The following PIK3C2G variants were observed in gnomAD, a reference collection of about 807,000 sequenced individuals.
PIK3C2G encodes the protein phosphatidylinositol-4-phosphate 3-kinase catalytic subunit type 2 gamma, also known as phosphatidylinositol 3-kinase C2 domain-containing subunit gamma.
A neutral mutation model predicts 181.1 loss-of-function variants in PIK3C2G; 168 were observed. The ratio of observed to expected loss-of-function variants is 0.93; its 90% CI spans 0.82 to 1.05. The LOEUF (loss-of-function observed/expected upper bound fraction) is 1.05, where lower values mean the gene tolerates loss of function less well. Ranked by LOEUF, PIK3C2G falls within the 50% of genes least tolerant of loss-of-function variation. The pLI is 0.00. For missense variants in PIK3C2G, 1,869 were observed against 1,732.8 expected, an observed-to-expected ratio of 1.08 and a Z score of -1.40; for synonymous variants, 573 against 592.2, an observed-to-expected ratio of 0.97 and a Z score of 0.47.
chr12:18,703,428 C>T, the PIK3C2G span, among the ~76,000 whole-genome samples: 1 of 152,254 alleles, frequency 6.6e-6, no homozygotes, highest in South Asian at 2.1e-4. Flanking sequence ...AAAGTTCAGC[C>T]CTGGAAACTT....
At chr12:18,281,213 A>G (rs1949200111) in intron 1 of PIK3C2G, among the ~76,000 whole-genome samples, 1 of 151,592 alleles carries the variant, frequency 6.6e-6, no homozygotes, top group Non-Finnish European at 1.5e-5. Context: ...CAATAAAAGA[A>G]TAACAGGGAA....
chr12:18,623,721 A>C (rs578061285), intron 31 of PIK3C2G, among the ~76,000 whole-genome samples: 1 of 151,582 alleles, frequency 6.6e-6, no homozygotes, highest in African/African-American at 2.4e-5. Flanking sequence ...TTTTTCCATT[A>C]ATGTTTTATA....
chr12:18,324,093 G>A (rs372391631), intron 7 of PIK3C2G, among the ~76,000 whole-genome samples: 4 of 151,976 alleles, frequency 2.6e-5, no homozygotes, highest in South Asian at 4.2e-4. Flanking sequence ...GGTGGCGGGC[G>A]CCTGTAGTCC....
At chr12:18,441,176 G>T (rs528146916) in intron 18 of PIK3C2G, among the ~76,000 whole-genome samples, 1 of 152,178 alleles carries the variant, frequency 6.6e-6, no homozygotes, top group Non-Finnish European at 1.5e-5. Context: ...AAATGCTACT[G>T]GTAGGTCAAG....
At chr12:18,532,957 G>A (rs1453072560) in intron 24 of PIK3C2G, among the ~76,000 whole-genome samples, 1 of 148,404 alleles carries the variant, frequency 6.7e-6, no homozygotes, top group Non-Finnish European at 1.5e-5. Context: ...GCCTGCTTTA[G>A]CAGCATGTAT....
intron 13 of PIK3C2G, among the ~76,000 whole-genome samples, chr12:18,374,582 G>A (rs1942305521): frequency 1.3e-5 from 2 of 152,094 alleles, no homozygotes; most frequent in African/African-American, 2.4e-5. Flanking sequence ...ACTACCTTAC[G>A]CCACCTCCCT....
intron 25 of PIK3C2G, among the ~76,000 whole-genome samples, chr12:18,545,771 C>T (rs1003884219): frequency 6.6e-6 from 1 of 151,878 alleles, no homozygotes; most frequent in Non-Finnish European, 1.5e-5. Flanking sequence ...GATTAAGAAC[C>T]AGAGCGGTGA....
rs968259664 is a variant in PIK3C2G, at chr12:18,381,876, T to G, written c.1991T>G (p.Leu664Arg). 6 of 1,574,168 alleles carry G rather than the reference T, an allele frequency of 3.8e-6. No homozygotes were observed. In the South Asian group the frequency reaches 6.6e-5, roughly 17 times the overall value. The part of the protein sequence containing the change: ...WDVSQPSPVT[L>R]QIDFPATGWE... ...GTAAGTCAGCCATCCCCGGTGACCC[T>G]GCAGGTAAGTGCCAGGCTAAAAGAT... Residue 664 changes from leucine (L) to arginine (R), a missense_variant, in exon 14 of 33, where the codon CTG becomes CGG. By Grantham distance (102) the Leu-to-Arg change is moderately radical (BLOSUM62 -2). Coordinates refer to ENST00000538779, the MANE Select transcript of PIK3C2G (RefSeq NM_001288772.2).
intron 12 of PIK3C2G, among the ~76,000 whole-genome samples, chr12:18,370,575 T>C (rs544133525): frequency 6.6e-6 from 1 of 152,274 alleles, no homozygotes; most frequent in African/African-American, 2.4e-5. Context: ...TAGGGAAAAG[T>C]TGAAATTCTT....
intron 26 of PIK3C2G, among the ~76,000 whole-genome samples, chr12:18,556,010 G>A (rs528456541): frequency 6.6e-6 from 1 of 152,128 alleles, no homozygotes; most frequent in African/African-American, 2.4e-5. Context: ...TACCTGCCAA[G>A]GGATATATAC....
At chr12:18,609,870 A>G (rs1290648209) in intron 31 of PIK3C2G, among the ~76,000 whole-genome samples, 7 of 152,110 alleles carry the variant, frequency 4.6e-5, no homozygotes, top group African/African-American at 1.7e-4. Flanking sequence ...TCAAAATGTC[A>G]GGAAAAAGAC....
intron 32 of PIK3C2G, among the ~76,000 whole-genome samples, chr12:18,644,298 C>G (rs1260766688): frequency 6.6e-6 from 1 of 152,104 alleles, no homozygotes; most frequent in Non-Finnish European, 1.5e-5. Context: ...CTTGAAGAAG[C>G]AGAGGTGGGA....
intron 18 of PIK3C2G, among the ~76,000 whole-genome samples, chr12:18,482,034 A>G (rs545139086): frequency 6.6e-6 from 1 of 152,294 alleles, no homozygotes; most frequent in African/African-American, 2.4e-5. Context: ...AATTAAAACC[A>G]GGCTAGATTC....
the PIK3C2G span, chr12:18,701,451 T>A: frequency 6.2e-7 from 1 of 1,610,554 alleles, no homozygotes; most frequent in Admixed American, 1.7e-5. Context: ...AAGAATAAAA[T>A]TAGAAAACTT....
Position 18,271,793 on chromosome 12 carries a change from C to T in PIK3C2G, c.-78-10211C>T, listed in dbSNP as rs149055500. ...ATATGTCACCTCAATTCAAGACCCA[C>T]ATGTAATAACTGCTTATTCGGCATC... On this transcript the variant is annotated intron_variant, in intron 1 of 32. Transcript: ENST00000538779. 1.6e-4 allele frequency among the ~76,000 whole-genome samples: 24 copies of T among 152,296 alleles called. No individual in the cohort carries two copies. The East Asian group carries it at 4.6e-3, about 29-fold the overall frequency.
Position 18,282,600 on chromosome 12 carries a change from T to C in PIK3C2G, c.519T>C (p.Ser173=), listed in dbSNP as rs370679823. 2.5e-5 allele frequency: 41 copies of C among 1,613,154 alleles called. No individual in the cohort carries two copies. The African/African-American group carries it at 4.4e-4, about 17-fold the overall frequency. The part of the protein sequence containing the change: ...ENHNYHIGFE[S]SIPPTNSSFS... ...ATAACTACCATATAGGATTTGAAAG[T>C]AGCATTCCTCCAACAAATTCATCCT... The change falls in exon 2 of 33, where the codon AGT becomes AGC. Residue 173 remains serine, a synonymous_variant. Coordinates refer to ENST00000538779, the MANE Select transcript of PIK3C2G (RefSeq NM_001288772.2).
intron 31 of PIK3C2G, among the ~76,000 whole-genome samples, chr12:18,630,287 G>T (rs1270223207): frequency 6.6e-6 from 1 of 152,096 alleles, no homozygotes; most frequent in Non-Finnish European, 1.5e-5. Context: ...AGCTACTTGG[G>T]AGGCTGAGGC....
At chr12:18,501,351 A>G (rs543506975) in intron 22 of PIK3C2G, among the ~76,000 whole-genome samples, 22 of 152,266 alleles carry the variant, frequency 1.4e-4, no homozygotes, top group African/African-American at 5.3e-4. Context: ...AAACATTAAT[A>G]AAACCATCAA....
chr12:18,244,586 T>C (rs765747327), upstream of PIK3C2G, among the ~76,000 whole-genome samples: 25 of 152,018 alleles, frequency 1.6e-4, no homozygotes, highest in Non-Finnish European at 2.9e-4. Context: ...TCTCTAAAAG[T>C]GATTTACAAG....
Sources: gnomAD v4.1 joint callset for allele counts (sites outside exome capture counted in the v4.1 genomes callset) on GRCh38, gnomAD v4.1.1 for gene constraint, MANE v1.5 for transcripts, NCBI Gene and HGNC (gene_info 2026-07-23, HGNC 2026-07-21) for gene names.